The following PCDHA3 variants were observed in gnomAD, a reference collection of about 807,000 sequenced individuals.
The protein encoded by PCDHA3 is protocadherin alpha 3.
Under a neutral mutation model 62.2 loss-of-function variants are expected in PCDHA3, and 41 were observed. The observed-to-expected ratio is 0.66, with a 90% confidence interval of 0.51 to 0.86. PCDHA3 has a LOEUF of 0.86. PCDHA3 is among the 40% of genes least tolerant of loss of function. PCDHA3 has a pLI of 0.00. For synonymous variants in PCDHA3, 640 were observed against 555.4 expected (o/e 1.15, Z -2.14); for missense variants, 1,304 against 1,241.2 (o/e 1.05, Z -0.76).
intron 1 of PCDHA3, chr5:140,843,829 G>C: frequency 8.5e-7 from 1 of 1,170,244 alleles, no homozygotes; most frequent in Non-Finnish European, 1.2e-6. Context: ...TTTAAACATT[G>C]TTTAGTTTTT....
chr5:140,823,078 T>G (rs1581791056), intron 1 of PCDHA3: 1 of 1,613,880 alleles, frequency 6.2e-7, no homozygotes, highest in Non-Finnish European at 8.5e-7. Context: ...GCCTTCGCTG[T>G]GGGCCACCGC....
chr5:140,829,557 T>C lies in PCDHA3; in HGVS notation c.2394+25966T>C, dbSNP rs138069346. On this transcript the variant is annotated intron_variant, in intron 1 of 3. Coordinates refer to ENST00000522353, the MANE Select transcript of PCDHA3 (RefSeq NM_018906.3). ...GACGCGGACGCGCAGGAGAACGCGC[T>C]GGTGTCCTACTCGCTGGTGGAGCGG... 4.3e-5 allele frequency: 70 copies of C among 1,612,672 alleles called. No homozygotes were observed. The highest frequency in any genetic ancestry group is 1.3e-4 in the Admixed American group (8 of 59,988).
chr5:140,830,131 A>T (rs146220689), intron 1 of PCDHA3: 782 of 1,613,064 alleles, frequency 4.8e-4, no homozygotes, highest in Non-Finnish European at 6.4e-4. Context: ...AGGCGTCATC[A>T]CGGGCGTCGG....
In PCDHA3 at chr5:140,802,318, T is replaced by C; in HGVS notation, c.1121T>C (p.Val374Ala). 1 of 1,614,276 alleles carries C rather than the reference T, an allele frequency of 6.2e-7. No homozygotes were observed. The highest frequency in any genetic ancestry group is 2.2e-5 in the East Asian group (1 of 44,890). Residue 374 changes from valine to alanine, a missense_variant, in exon 1 of 4, where the codon GTG (valine) becomes GCG (alanine). By Grantham distance (64) the Val-to-Ala change is moderately conservative (BLOSUM62 0). Coordinates refer to ENST00000522353, the MANE Select transcript of PCDHA3 (RefSeq NM_018906.3). ...PLSTVIALIS[V>A]SDRDSGVNGQ... ...AGCACAGTCATCGCTCTGATCAGCG[T>C]GTCCGACCGCGACTCAGGAGTCAAT...
rs1432649344 is a variant in PCDHA3, at chr5:140,870,194, C to T, written c.2394+66603C>T. ...CTCCCAGTACGAGAGGACGCTCAGC[C>T]CAGCACGGTCATTGCCCTGATCAGC... On this transcript the variant is annotated intron_variant, in intron 1 of 3. Transcript: ENST00000522353. 5.0e-6 allele frequency: 8 copies of T among 1,614,050 alleles called. No homozygotes were observed. Among genetic ancestry groups the T allele is most frequent in the Non-Finnish European group, 5.9e-6 (7 of 1,180,054 alleles).
chr5:140,955,986 C>A (rs2095245113), intron 1 of PCDHA3, among the ~76,000 whole-genome samples: 1 of 152,124 alleles, frequency 6.6e-6, no homozygotes, highest in Non-Finnish European at 1.5e-5. Flanking sequence ...GCAATTTTTG[C>A]ACATTGATTT....
chr5:140,990,729 C>G (rs2097409512), intron 3 of PCDHA3, among the ~76,000 whole-genome samples: 1 of 152,134 alleles, frequency 6.6e-6, no homozygotes, highest in Non-Finnish European at 1.5e-5. Flanking sequence ...CTAGGTATAT[C>G]AACAGCCCTA....
Position 140,801,927 on chromosome 5 carries a change from A to G in PCDHA3, c.730A>G (p.Arg244Gly), listed in dbSNP as rs374257547. 12 of 1,614,214 alleles carry G rather than the reference A, an allele frequency of 7.4e-6. No homozygotes were observed. The highest frequency in any genetic ancestry group is 1.0e-5 in the Non-Finnish European group (12 of 1,180,038). Residue 244 changes from arginine to glycine, a missense_variant, in exon 1 of 4, where the codon AGG becomes GGG. Arg to Gly is a moderately radical substitution (Grantham distance 125, BLOSUM62 -2). Coordinates refer to ENST00000522353, the MANE Select transcript of PCDHA3 (RefSeq NM_018906.3). ...DVNDNAPAFE[R>G]TIYKVRLLEN... ...AAACGACAACGCCCCAGCGTTTGAG[A>G]GGACGATCTATAAAGTCAGATTACT...
Position 140,892,511 on chromosome 5 carries a change from C to T in PCDHA3, c.2395-86438C>T, listed in dbSNP as rs115588708. Among the ~76,000 whole-genome samples the T allele has an allele frequency of 8.0e-3, 1,214 of 152,282 alleles. 6 individuals carry two copies. Among genetic ancestry groups the T allele is most frequent in the African/African-American group, 0.019 (784 of 41,558 alleles). On this transcript the variant is annotated intron_variant, in intron 1 of 3. Coordinates refer to ENST00000522353, the MANE Select transcript of PCDHA3 (RefSeq NM_018906.3). ...TGAGAGATTGTTTAAGAAGTTCCAC[C>T]ATGACTGGTAGACTCAGGATTCTGA...
rs146492633 is a variant in PCDHA3 at position 140,900,696 on chromosome 5, G to A, written c.2395-78253G>A. Among the ~76,000 whole-genome samples the A allele has an allele frequency of 2.2e-4, 33 of 152,256 alleles. No homozygotes were observed. The East Asian group carries it at 5.8e-3, about 27-fold the overall frequency. ...TTATCTCTTCAATATACTGATTTCC[G>A]TTCTTTTGGAAAGAAAGGAAATCCT... is the stretch of plus-strand genomic sequence containing the variant. On this transcript the variant is annotated intron_variant, in intron 1 of 3. Transcript: ENST00000522353.
At chr5:140,905,408 C>G (rs1374273315) in intron 1 of PCDHA3, among the ~76,000 whole-genome samples, 1 of 152,142 alleles carries the variant, frequency 6.6e-6, no homozygotes, top group Non-Finnish European at 1.5e-5. Flanking sequence ...TATTTTTATA[C>G]CAGTACCATG....
chr5:141,004,880 G>A (rs940142127), intron 3 of PCDHA3, among the ~76,000 whole-genome samples: 2 of 152,172 alleles, frequency 1.3e-5, no homozygotes, highest in Admixed American at 6.5e-5. Context: ...TCCCTAAAGT[G>A]CTATTGTGTC....
intron 1 of PCDHA3, chr5:140,848,924 G>A (rs2150425105): frequency 3.1e-6 from 5 of 1,607,706 alleles, no homozygotes; most frequent in Admixed American, 1.7e-5. Context: ...TGTTCATCGC[G>A]GAATCCAGGC....
chr5:140,872,373 T>C (rs1437548177), intron 1 of PCDHA3, among the ~76,000 whole-genome samples: 3 of 152,182 alleles, frequency 2.0e-5, no homozygotes, highest in African/African-American at 4.8e-5. Flanking sequence ...AGGCCTGTAA[T>C]CCCAGCTATT....
intron 1 of PCDHA3, chr5:140,822,963 G>A (rs2150120788): frequency 1.2e-6 from 2 of 1,614,232 alleles, no homozygotes; most frequent in South Asian, 2.2e-5. Flanking sequence ...CCTTCAAGCT[G>A]GTGTCCACCT....
At chr5:140,908,455 AT>A (rs367827339) in intron 1 of PCDHA3, among the ~76,000 whole-genome samples, 51 of 152,296 alleles carry the variant, frequency 3.3e-4, no homozygotes, top group African/African-American at 9.9e-4. Flanking sequence ...GGCTAGATGG[AT>A]CAGAAAGCAC....
chr5:140,843,626 C>T, intron 1 of PCDHA3: 1 of 1,596,058 alleles, frequency 6.3e-7, no homozygotes, highest in East Asian at 2.2e-5. Context: ...GAAGACGGAC[C>T]TCATGGCCTT....
In PCDHA3 at chr5:140,822,613, T is replaced by C. The variant is rs2150117773; in HGVS notation, c.2394+19022T>C. On this transcript the variant is annotated intron_variant, in intron 1 of 3. Coordinates refer to ENST00000522353, the MANE Select transcript of PCDHA3 (RefSeq NM_018906.3). ...CATCAATAAGGAAATAGTGTATTTCTTTAGTAATCTTGTTCTTGACGATGT... is the reference window on the plus strand; with the variant it reads ...CATCAATAAGGAAATAGTGTATTTCCTTAGTAATCTTGTTCTTGACGATGT... 7.5e-6 allele frequency: 12 copies of C among 1,609,036 alleles called. No individual in the cohort carries two copies. In the East Asian group the frequency reaches 2.7e-4, roughly 36 times the overall value.
rs2150198335 is a variant in PCDHA3 at position 140,831,925 on chromosome 5, C to G, written c.2394+28334C>G. Among the ~76,000 whole-genome samples, 3 of 152,254 alleles carry G rather than the reference C, an allele frequency of 2.0e-5. No individual in the cohort carries two copies. In the South Asian group the frequency reaches 6.2e-4, roughly 32 times the overall value. On this transcript the variant is annotated intron_variant, in intron 1 of 3. Transcript: ENST00000522353. ...TAGCAAGTGCTTAAAAAATTTGCTACTAGTTTTCCGAAGAGGAAAAGAAAA... is the reference window on the plus strand; with the variant it reads ...TAGCAAGTGCTTAAAAAATTTGCTAGTAGTTTTCCGAAGAGGAAAAGAAAA...
Sources: gnomAD v4.1 joint callset for allele counts (sites outside exome capture counted in the v4.1 genomes callset) on GRCh38, gnomAD v4.1.1 for gene constraint, MANE v1.5 for transcripts, NCBI Gene and HGNC (gene_info 2026-07-23, HGNC 2026-07-21) for gene names.